TAB2: variants seen among roughly 807,000 people sequenced by gnomAD.
TAB2 encodes the protein TGF-beta-activated kinase 1 and MAP3K7-binding protein 2.
In TAB2, 3 loss-of-function variants were observed where a neutral mutation model predicts 65.0. The ratio of observed to expected loss-of-function variants is 0.05; its 90% CI spans 0.02 to 0.12. The LOEUF (loss-of-function observed/expected upper bound fraction) is 0.12. Ranked by LOEUF, TAB2 falls within the 10% of genes least tolerant of loss-of-function variation. The probability of loss-of-function intolerance (pLI) is 1.00; values close to 1 mark genes in which losing one functional copy is unlikely to be tolerated. For synonymous variants in TAB2, 298 were observed against 285.1 expected, an observed-to-expected ratio of 1.05 and a Z score of -0.46; for missense variants, 623 against 840.3, an observed-to-expected ratio of 0.74 and a Z score of 3.20.
At chr6:149,255,235 T>C (rs1450992646) in intron 1 of TAB2, 1 of 152,116 alleles carries the variant, frequency 6.6e-6, no homozygotes, top group Non-Finnish European at 1.5e-5. Flanking sequence ...GAGCTCATTC[T>C]CTCCATCAGG....
intron 2 of TAB2, among the ~76,000 whole-genome samples, chr6:149,376,520 G>A (rs1057385711): frequency 2.0e-5 from 3 of 151,872 alleles, no homozygotes; most frequent in South Asian, 4.2e-4. Flanking sequence ...TTCTTTACTC[G>A]TGCCATTCTC....
chr6:149,253,617 CAAAAAAAAAAAA>C (rs1170705031), intron 1 of TAB2, among the ~76,000 whole-genome samples: 4 of 65,300 alleles, frequency 6.1e-5, no homozygotes, highest in South Asian at 6.3e-4. Context: ...AAGACTGTCT[CAAAAAAAAAAAA>C]AAAAAAAAAG....
chr6:149,218,137 T>C (rs117413663), upstream of TAB2: 6 of 152,328 alleles, frequency 3.9e-5, no homozygotes, highest in Non-Finnish European at 5.9e-5. Context: ...TGATGATTTG[T>C]TAGTCTTAAA....
At chr6:149,281,949 AT>A (rs1330690199) in intron 1 of TAB2, among the ~76,000 whole-genome samples, 8 of 152,364 alleles carry the variant, frequency 5.3e-5, no homozygotes, top group South Asian at 2.1e-4. Context: ...CTGGAAAAAA[AT>A]ATGATCAATT....
At chr6:149,380,586 A>G (rs1452922792) in intron 3 of TAB2, among the ~76,000 whole-genome samples, 1 of 152,228 alleles carries the variant, frequency 6.6e-6, no homozygotes, top group Non-Finnish European at 1.5e-5. Flanking sequence ...GGACTGTTAA[A>G]TAAATACATT....
chr6:149,350,737 C>G lies in TAB2; in HGVS notation c.-89-19172C>G, dbSNP rs1369682213. On this transcript the variant is annotated intron_variant, in intron 1 of 6. Transcript: ENST00000637181. The stretch of plus-strand genomic sequence containing the variant: ...TCAATGGATCCTCCTTCTTTAGCCT[C>G]CTGAGTAGCTGGGACTACAGGCATG... 4.0e-5 allele frequency among the ~76,000 whole-genome samples: 6 copies of G among 150,678 alleles called. No individual in the cohort carries two copies. In the East Asian group the frequency reaches 1.2e-3, roughly 29 times the overall value.
At chr6:149,311,906 C>T (rs752283380) in intron 1 of TAB2, among the ~76,000 whole-genome samples, 6 of 152,148 alleles carry the variant, frequency 3.9e-5, no homozygotes, top group Non-Finnish European at 8.8e-5. Context: ...TATTGACCAC[C>T]CAAGCTCAGC....
At chr6:149,232,102 G>A (rs1405941116) in intron 1 of TAB2, among the ~76,000 whole-genome samples, 2 of 152,176 alleles carry the variant, frequency 1.3e-5, no homozygotes, top group African/African-American at 2.4e-5. Context: ...GGAACAAGAC[G>A]TGCGCTAGAA....
chr6:149,395,493 G>A (rs1026481645), intron 3 of TAB2, among the ~76,000 whole-genome samples: 1 of 152,146 alleles, frequency 6.6e-6, no homozygotes, highest in Admixed American at 6.5e-5. Context: ...CTTTAGCACA[G>A]ATCCCTAAAT....
chr6:149,254,713 A>G (rs1223702947), intron 1 of TAB2, among the ~76,000 whole-genome samples: 2 of 152,248 alleles, frequency 1.3e-5, no homozygotes, highest in East Asian at 3.8e-4. Flanking sequence ...GAGAAAGAGA[A>G]TAATGAAATC....
rs115702653 is a variant in TAB2, at chr6:149,227,469, A to G, written c.-121+8693A>G. Among the ~76,000 whole-genome samples, 1,399 of 152,166 alleles carry G rather than the reference A, an allele frequency of 9.2e-3. 21 individuals carry two copies. Among genetic ancestry groups the G allele is most frequent in the African/African-American group, 0.032 (1,337 of 41,530 alleles). ...GCTGCAAGAGAAAGAGCGTCATGTT[A>G]CCACCAACAAGCAGACAAGGCAAAT... On this transcript the variant is annotated intron_variant, in intron 1 of 1. Coordinates refer to the TAB2 transcript ENST00000606202.
chr6:149,409,653 C>G lies in TAB2; in HGVS notation c.2016C>G (p.Ala672=). The part of the protein sequence containing the change: ...DDEGAQWNCT[A]CTFLNHPALI... Reference sequence around the variant, plus strand: ...AGGGAGCTCAGTGGAATTGTACCGCCTGTACTTTTTTGAACCATCCAGCCT... The same window carrying G: ...AGGGAGCTCAGTGGAATTGTACCGCGTGTACTTTTTTGAACCATCCAGCCT... Residue 672 remains alanine, a synonymous_variant, in exon 7 of 7, where the codon GCC becomes GCG. Coordinates refer to ENST00000637181, the MANE Select transcript of TAB2 (RefSeq NM_001292034.3). The G allele has an allele frequency of 6.2e-7, 1 of 1,614,146 alleles. No individual in the cohort carries two copies. The highest frequency in any genetic ancestry group is 1.1e-5 in the South Asian group (1 of 91,082).
chr6:149,236,349 A>G (rs966641369), intron 1 of TAB2, among the ~76,000 whole-genome samples: 7 of 152,240 alleles, frequency 4.6e-5, no homozygotes, highest in Non-Finnish European at 1.0e-4. Flanking sequence ...TGAAGCTTCT[A>G]TATCTCTAAA....
chr6:149,351,572 T>C (rs1438042282), intron 1 of TAB2, among the ~76,000 whole-genome samples: 1 of 152,232 alleles, frequency 6.6e-6, no homozygotes, highest in Non-Finnish European at 1.5e-5. Flanking sequence ...GCTCTTTTTA[T>C]TATCTTACTT....
At chr6:149,335,338 T>C (rs959998011) in intron 1 of TAB2, among the ~76,000 whole-genome samples, 3 of 150,836 alleles carry the variant, frequency 2.0e-5, no homozygotes, top group African/African-American at 4.9e-5. Context: ...ATAAAAAATA[T>C]ATGTGTGTAT....
At chr6:149,386,079 G>A (rs1191385025) in intron 3 of TAB2, among the ~76,000 whole-genome samples, 5 of 151,432 alleles carry the variant, frequency 3.3e-5, no homozygotes, top group South Asian at 2.1e-4. Context: ...ATACACATAC[G>A]TGTGTGTATA....
chr6:149,407,191 T>C (rs1191018175), intron 6 of TAB2, among the ~76,000 whole-genome samples: 1 of 152,230 alleles, frequency 6.6e-6, no homozygotes, highest in Non-Finnish European at 1.5e-5. Context: ...GTTAATTGAA[T>C]AAAGCAGTAG....
chr6:149,344,650 A>C (rs1320906281), intron 1 of TAB2, among the ~76,000 whole-genome samples: 1 of 152,116 alleles, frequency 6.6e-6, no homozygotes, highest in Non-Finnish European at 1.5e-5. Flanking sequence ...AGGCAATGGG[A>C]ATCCGTTGAA....
rs375208387 is a variant in TAB2 at position 149,379,187 on chromosome 6, G to T, written c.1272G>T (p.Gly424=). The T allele has an allele frequency of 6.2e-7, 1 of 1,614,152 alleles. No homozygotes were observed. Among genetic ancestry groups the T allele is most frequent in the Non-Finnish European group, 8.5e-7 (1 of 1,180,036 alleles). The change falls in exon 3 of 7, where the codon GGG becomes GGT. Residue 424 remains glycine (G), a synonymous_variant. Transcript: ENST00000637181. ...GASAASRNMS[G]QVSMGPAFIH... is the part of the protein sequence containing the mutation. ...CTGCTGCCTCCAGGAACATGTCTGGGCAAGTGAGCATGGGTCCTGCCTTTA... is the reference window on the plus strand; with the variant it reads ...CTGCTGCCTCCAGGAACATGTCTGGTCAAGTGAGCATGGGTCCTGCCTTTA...
Sources: allele counts gnomAD v4.1 joint callset (sites outside exome capture counted in the v4.1 genomes callset), GRCh38; gene constraint gnomAD v4.1.1; transcripts MANE v1.5; gene names NCBI Gene and HGNC (gene_info 2026-07-23, HGNC 2026-07-21).